OSBPL3: variants seen among roughly 807,000 people sequenced by gnomAD.
OSBPL3 encodes oxysterol-binding protein-related protein 3.
A neutral mutation model predicts 120.1 loss-of-function variants in OSBPL3; 65 were observed. The observed-to-expected ratio is 0.54, with a 90% CI of 0.44 to 0.67. The LOEUF (loss-of-function observed/expected upper bound fraction) is 0.67, where lower values mean the gene tolerates loss of function less well. Ranked by LOEUF, OSBPL3 falls within the 30% of genes least tolerant of loss-of-function variation. OSBPL3 has a pLI of 0.00. For missense variants in OSBPL3, 1,004 were observed against 1,082.1 expected (o/e 0.93, Z 1.01); for synonymous variants, 416 against 402.6 (o/e 1.03, Z -0.40).
Position 24,852,644 on chromosome 7 carries a change from T to C in OSBPL3, c.1028-10A>G, listed in dbSNP as rs561723599. 2.0e-5 allele frequency: 31 copies of C among 1,533,802 alleles called. No individual in the cohort carries two copies. Among genetic ancestry groups the C allele is most frequent in the Non-Finnish European group, 2.7e-5 (31 of 1,139,654 alleles). ...CTTAAAGTGAAGTAAACTATAGAGA[T>C]AGAATCATTATAAAAAGGAATAAGG... On this transcript the variant is annotated splice_polypyrimidine_tract_variant and intron_variant, in intron 10 of 22. Coordinates refer to ENST00000313367, the MANE Select transcript of OSBPL3 (RefSeq NM_015550.4). This position sits in a 1 kb window ranked among gnomAD's most constrained non-coding sequence, Gnocchi z 4.1.
intron 2 of OSBPL3, among the ~76,000 whole-genome samples, chr7:24,875,299 A>G (rs1802692151): frequency 6.6e-6 from 1 of 152,232 alleles, no homozygotes; most frequent in Non-Finnish European, 1.5e-5. Context: ...ATTTTAGAGA[A>G]CGATATTGCT....
chr7:24,885,032 C>T (rs1804286473), intron 2 of OSBPL3, among the ~76,000 whole-genome samples: 1 of 151,676 alleles, frequency 6.6e-6, no homozygotes, highest in Non-Finnish European at 1.5e-5. Flanking sequence ...ACTTGTAATC[C>T]CAGCACTTTG....
In OSBPL3 at chr7:24,867,861, A is replaced by G. The variant is rs2128272673; in HGVS notation, c.382-1624T>C. Among the ~76,000 whole-genome samples, 1 of 152,300 alleles carries G rather than the reference A, an allele frequency of 6.6e-6. No homozygotes were observed. Among genetic ancestry groups the G allele is most frequent in the South Asian group, 2.1e-4 (1 of 4,812 alleles). On this transcript the variant is annotated intron_variant, in intron 5 of 22. Coordinates refer to ENST00000313367, the MANE Select transcript of OSBPL3 (RefSeq NM_015550.4). The surrounding 1 kb of genome is among the most constrained non-coding windows in gnomAD (Gnocchi z 4.5). ...ACTTTTATTACTATCACACTCACAA[A>G]CCTTTAGCCATCTCTCCATAAATGA...
In OSBPL3 at chr7:24,937,303, A is replaced by G. The variant is rs1488472579; in HGVS notation, c.-150+42583T>C. Among the ~76,000 whole-genome samples, 1 of 152,214 alleles carries G rather than the reference A, an allele frequency of 6.6e-6. No homozygotes were observed. The highest frequency in any genetic ancestry group is 1.5e-5 in the Non-Finnish European group (1 of 68,028). ...CCCACAACACGTGGGGATTATGGGA[A>G]CTACAATTCAAGTTTTGTAGCAGCT... On this transcript the variant is annotated intron_variant, in intron 1 of 22. Coordinates refer to ENST00000313367, the MANE Select transcript of OSBPL3 (RefSeq NM_015550.4). The surrounding 1 kb of genome is among the most constrained non-coding windows in gnomAD (Gnocchi z 4.0).
upstream of OSBPL3, among the ~76,000 whole-genome samples, chr7:24,980,403 C>G (rs931585650): frequency 1.1e-4 from 17 of 151,936 alleles, no homozygotes; most frequent in Non-Finnish European, 1.9e-4. Flanking sequence ...ACCCCGGATT[C>G]CGGATGGGTT....
At chr7:24,842,112 C>T (rs1797854651) in intron 13 of OSBPL3, among the ~76,000 whole-genome samples, 167 bp downstream of exon 13, 1 of 152,048 alleles carries the variant, frequency 6.6e-6, no homozygotes. Flanking sequence ...CATATAGTAT[C>T]ATTTTATACT....
chr7:24,931,850 A>G (rs1184289749), intron 1 of OSBPL3, among the ~76,000 whole-genome samples: 1 of 152,250 alleles, frequency 6.6e-6, no homozygotes, highest in Non-Finnish European at 1.5e-5. Context: ...ACTTGCATCA[A>G]CAAGACTGAT....
intron 22 of OSBPL3, among the ~76,000 whole-genome samples, chr7:24,800,819 G>C (rs1223859644): frequency 6.6e-6 from 1 of 152,116 alleles, no homozygotes; most frequent in Admixed American, 6.5e-5. Context: ...CTTCTGAGAG[G>C]AGGAGGATGT....
rs1465351349 is a variant in OSBPL3 at position 24,899,910 on chromosome 7, C to G, written c.-149-7289G>C. Among the ~76,000 whole-genome samples the G allele has an allele frequency of 6.6e-6, 1 of 152,164 alleles. No homozygotes were observed. The highest frequency in any genetic ancestry group is 2.4e-5 in the African/African-American group (1 of 41,436). ...ATAATCTGCATGTTTAACACATGCC[C>G]TGGGTGATTTTTGCTTAAAGTTTGA... On this transcript the variant is annotated intron_variant, in intron 1 of 22. Transcript: ENST00000313367. The surrounding 1 kb of genome is among the most constrained non-coding windows in gnomAD (Gnocchi z 4.0).
At position 24,899,792 on chromosome 7, in the gene OSBPL3, C is replaced by G. The variant is rs1413134091; in HGVS notation, c.-149-7171G>C. Among the ~76,000 whole-genome samples the G allele has an allele frequency of 6.6e-6, 1 of 152,198 alleles. No homozygotes were observed. The highest frequency in any genetic ancestry group is 6.5e-5 in the Admixed American group (1 of 15,290). ...AATTTCTCAAAGTGTCCAGATCCAC[C>G]TTCTTCAAAGTCTTCCGGATTCTTA... On this transcript the variant is annotated intron_variant, in intron 1 of 22. Coordinates refer to ENST00000313367, the MANE Select transcript of OSBPL3 (RefSeq NM_015550.4). This position sits in a 1 kb window ranked among gnomAD's most constrained non-coding sequence, Gnocchi z 4.0.
chr7:24,821,067 G>A lies in OSBPL3; in HGVS notation c.1885-829C>T, dbSNP rs1795077899. Among the ~76,000 whole-genome samples the A allele has an allele frequency of 6.6e-6, 1 of 152,212 alleles. No individual in the cohort carries two copies. Among genetic ancestry groups the A allele is most frequent in the Non-Finnish European group, 1.5e-5 (1 of 68,030 alleles). On this transcript the variant is annotated intron_variant, in intron 16 of 22. Transcript: ENST00000313367. This position sits in a 1 kb window ranked among gnomAD's most constrained non-coding sequence, Gnocchi z 5.5. Reference sequence around the variant, plus strand: ...CTCAGTCACACTCAGGGAACGTTGAGAGGTGTATATGCTGTCATTCTAATT... The same window carrying A: ...CTCAGTCACACTCAGGGAACGTTGAAAGGTGTATATGCTGTCATTCTAATT...
At position 24,953,964 on chromosome 7, in the gene OSBPL3, C is replaced by A. The variant is rs1814746743; in HGVS notation, c.-150+25922G>T. Among the ~76,000 whole-genome samples, 1 of 152,168 alleles carries A rather than the reference C, an allele frequency of 6.6e-6. No individual in the cohort carries two copies. ...AACACTTTCTCAATCACCAGATGAA[C>A]CTTAGAACAAACTGAGAGAAAGGGG... is the stretch of plus-strand genomic sequence containing the variant. On this transcript the variant is annotated intron_variant, in intron 1 of 22. Coordinates refer to ENST00000313367, the MANE Select transcript of OSBPL3 (RefSeq NM_015550.4). This position sits in a 1 kb window ranked among gnomAD's most constrained non-coding sequence, Gnocchi z 4.3.
rs1392130188 is a variant in OSBPL3, at chr7:24,867,124, G to A, written c.382-887C>T. Among the ~76,000 whole-genome samples the A allele has an allele frequency of 6.6e-6, 1 of 152,166 alleles. No individual in the cohort carries two copies. The highest frequency in any genetic ancestry group is 1.5e-5 in the Non-Finnish European group (1 of 68,026). On this transcript the variant is annotated intron_variant, in intron 5 of 22. Coordinates refer to ENST00000313367, the MANE Select transcript of OSBPL3 (RefSeq NM_015550.4). The surrounding 1 kb of genome is among the most constrained non-coding windows in gnomAD (Gnocchi z 4.5). ...CTGTTATGCTATTTTTAAGAAAACAGAACAGTGCCAATTATATTAAGCAAC... is the reference window on the plus strand; with the variant it reads ...CTGTTATGCTATTTTTAAGAAAACAAAACAGTGCCAATTATATTAAGCAAC...
chr7:24,809,049 C>A (rs567843498), intron 20 of OSBPL3, among the ~76,000 whole-genome samples: 4 of 152,032 alleles, frequency 2.6e-5, no homozygotes, highest in African/African-American at 9.7e-5. Flanking sequence ...AGGTAAATTG[C>A]CTATGTAACA....
At chr7:24,961,586 A>G (rs1198797308) in intron 1 of OSBPL3, among the ~76,000 whole-genome samples, 1 of 152,192 alleles carries the variant, frequency 6.6e-6, no homozygotes, top group Non-Finnish European at 1.5e-5. Context: ...GGACACAGCT[A>G]GAAGGTGCCC....
rs1224248352 is a variant in OSBPL3, at chr7:24,930,557, C to T, written c.-149-37936G>A. ...CTGAGTTGCAGCTAAAAAAAGATCA[C>T]ATATTAAAAATACATATGCAGTGTA... On this transcript the variant is annotated intron_variant, in intron 1 of 22. Coordinates refer to ENST00000313367, the MANE Select transcript of OSBPL3 (RefSeq NM_015550.4). This position sits in a 1 kb window ranked among gnomAD's most constrained non-coding sequence, Gnocchi z 4.4. Among the ~76,000 whole-genome samples the T allele has an allele frequency of 6.6e-6, 1 of 152,088 alleles. No homozygotes were observed. The highest frequency in any genetic ancestry group is 1.5e-5 in the Non-Finnish European group (1 of 68,006).
rs1406152947 is a variant in OSBPL3 at position 24,871,716 on chromosome 7, C to G, written c.267+26G>C. On this transcript the variant is annotated intron_variant, in intron 4 of 22. Transcript: ENST00000313367. The surrounding 1 kb of genome is among the most constrained non-coding windows in gnomAD (Gnocchi z 4.8). Reference sequence around the variant, plus strand: ...TTACCCCTTTAGGATTCTTCAATACCACAGTGGGCCCACAAAAAGACTTAC... The same window carrying G: ...TTACCCCTTTAGGATTCTTCAATACGACAGTGGGCCCACAAAAAGACTTAC... 1 of 1,581,552 alleles carries G rather than the reference C, an allele frequency of 6.3e-7. No individual in the cohort carries two copies. Among genetic ancestry groups the G allele is most frequent in the South Asian group, 1.1e-5 (1 of 90,188 alleles).
At position 24,834,778 on chromosome 7, in the gene OSBPL3, A is replaced by T; in HGVS notation, c.1496-42T>A. The T allele has an allele frequency of 6.8e-7, 1 of 1,477,620 alleles. No homozygotes were observed. 91.5% of individuals were successfully genotyped at this position (1,477,620 alleles called of 1,614,324 possible). A position where few individuals can be genotyped will look rare whatever the true frequency, so the allele number is the denominator to read the frequency against. ...CCTGGTTGTCTCTATAAAGCTTTTC[A>T]TTTTATTCTATTATTTTTAATCCAC... On this transcript the variant is annotated intron_variant, in intron 14 of 22. Transcript: ENST00000313367. This position sits in a 1 kb window ranked among gnomAD's most constrained non-coding sequence, Gnocchi z 5.2.
intron 1 of OSBPL3, among the ~76,000 whole-genome samples, chr7:24,954,216 C>T (rs1407304885): frequency 1.3e-5 from 2 of 152,150 alleles, no homozygotes; most frequent in African/African-American, 2.4e-5. Flanking sequence ...TGTCCAAACA[C>T]TTTGGATTAA....
Sources: gnomAD v4.1 joint callset for allele counts (sites outside exome capture counted in the v4.1 genomes callset) on GRCh38, gnomAD v4.1.1 for gene constraint, Gnocchi (gnomAD v3.1) non-coding constraint, MANE v1.5 for transcripts, NCBI Gene and HGNC (gene_info 2026-07-23, HGNC 2026-07-21) for gene names.